ESYT3: variants seen among roughly 807,000 people sequenced by gnomAD.
ESYT3 encodes extended synaptotagmin-3.
In ESYT3, 101 loss-of-function variants were observed where a neutral mutation model predicts 111.5. That is an observed-to-expected ratio of 0.91 (90% confidence interval 0.77 to 1.07). ESYT3 has a LOEUF of 1.07. ESYT3 is among the 50% of genes least tolerant of loss of function. The pLI, the probability that ESYT3 is intolerant of heterozygous loss-of-function variation, is 0.00. For missense variants in ESYT3, 1,097 were observed against 1,109.4 expected, an observed-to-expected ratio of 0.99 and a Z score of 0.16; for synonymous variants, 416 against 446.8, an observed-to-expected ratio of 0.93 and a Z score of 0.87.
At position 138,435,687 on chromosome 3, in the gene ESYT3, T is replaced by A. The variant is rs2030618004; in HGVS notation, c.327+562T>A. Among the ~76,000 whole-genome samples the A allele has an allele frequency of 1.4e-5, 2 of 147,216 alleles. No individual in the cohort carries two copies. Among genetic ancestry groups the A allele is most frequent in the Admixed American group, 1.3e-4 (2 of 14,934 alleles). ...CGGGCCCCGGGCCTCCTTCCCTCCC[T>A]CCCTCCGCCGGATAGGGATGCCGGC... On this transcript the variant is annotated intron_variant, in intron 1 of 22. Transcript: ENST00000389567. The surrounding 1 kb of genome is among the most constrained non-coding windows in gnomAD (Gnocchi z 4.8).
chr3:138,469,538 G>A, intron 15 of ESYT3, 34 bp downstream of exon 15: 4 of 1,591,432 alleles, frequency 2.5e-6, no homozygotes, highest in Non-Finnish European at 3.4e-6. Flanking sequence ...CTGGGGTAAG[G>A]AAACAAGGAC....
Position 138,476,913 on chromosome 3 carries a change from T to C in ESYT3, c.*59T>C. 1 of 1,407,510 alleles carries C rather than the reference T, an allele frequency of 7.1e-7. No individual in the cohort carries two copies. Among genetic ancestry groups the C allele is most frequent in the Non-Finnish European group, 9.7e-7 (1 of 1,027,616 alleles). 87.2% of individuals were successfully genotyped at this position (1,407,510 alleles called of 1,614,324 possible). A position where few individuals can be genotyped will look rare whatever the true frequency, so the allele number is the denominator to read the frequency against. ...AAATGTATATATATGTATATATTTT[T>C]TCCTTTGGATCACTTACATCCAATA... On this transcript the variant is annotated 3_prime_UTR_variant, in exon 23 of 23. Coordinates refer to ENST00000389567, the MANE Select transcript of ESYT3 (RefSeq NM_031913.5).
At chr3:138,470,840 G>C in intron 16 of ESYT3, 37 bp from the exon 17 acceptor site, 1 of 1,613,298 alleles carries the variant, frequency 6.2e-7, no homozygotes. Flanking sequence ...GGTGGGGCTT[G>C]GTTATCCTCT....
At chr3:138,443,675 G>A (rs764086395) in intron 1 of ESYT3, among the ~76,000 whole-genome samples, 16 of 152,118 alleles carry the variant, frequency 1.1e-4, no homozygotes, top group Non-Finnish European at 1.6e-4. Flanking sequence ...GTGAGTCTGC[G>A]GATGTGTCTG....
rs1227098476 is a variant in ESYT3, at chr3:138,434,792, C to T, written c.-7C>T. On this transcript the variant is annotated 5_prime_UTR_variant, in exon 1 of 23. Transcript: ENST00000389567. ...GCTCTCGGGAAGGGCAAGACTGCGG[C>T]GACGAGATGCGAGCAGAGGAGCCCT... The T allele has an allele frequency of 1.9e-6, 3 of 1,540,054 alleles. No homozygotes were observed. The highest frequency in any genetic ancestry group is 2.0e-5 in the Admixed American group (1 of 50,380).
rs1337853016 is a variant in ESYT3, at chr3:138,473,550, G to A, written c.2252G>A (p.Arg751Lys). ...ISLNIEGGDL[R>K]RRQLGEIQLT... ...TTTCTTTACAGAGGTGGGGACCTCAGGCGACGGCAGCTGGGTGAGATTCAG... is the reference window on the plus strand; with the variant it reads ...TTTCTTTACAGAGGTGGGGACCTCAAGCGACGGCAGCTGGGTGAGATTCAG... Residue 751 changes from arginine to lysine, a missense_variant, in exon 19 of 23, where the codon AGG (arginine) becomes AAG (lysine). Arg to Lys is a conservative substitution (Grantham distance 26). Coordinates refer to ENST00000389567, the MANE Select transcript of ESYT3 (RefSeq NM_031913.5). 6.2e-7 allele frequency: 1 copy of A among 1,613,604 alleles called. No homozygotes were observed. Among genetic ancestry groups the A allele is most frequent in the African/African-American group, 1.3e-5 (1 of 75,046 alleles).
intron 1 of ESYT3, among the ~76,000 whole-genome samples, chr3:138,451,800 G>A (rs62282903): frequency 0.016 from 2,478 of 151,048 alleles, 40 homozygotes; most frequent in Non-Finnish European, 0.027. Context: ...GTGCCAGCTC[G>A]TTGTCTGTTT....
chr3:138,476,174 GAAAACTGAATGAAATGCAT>G, intron 20 of ESYT3, 30 bp from the exon 21 acceptor site: 1 of 1,267,702 alleles, frequency 7.9e-7, no homozygotes, highest in South Asian at 1.2e-5. Flanking sequence ...AGATTTTCAA[GAAAACTGAATGAAATGCAT>G]AATTCTCACT....
intron 16 of ESYT3, chr3:138,470,530 T>C: frequency 8.7e-7 from 1 of 1,143,282 alleles, no homozygotes; most frequent in Non-Finnish European, 1.1e-6. Context: ...CAATGTCTTG[T>C]CCAAGATCTC....
intron 1 of ESYT3, among the ~76,000 whole-genome samples, chr3:138,441,412 GT>G (rs1240765650): frequency 6.6e-6 from 1 of 152,192 alleles, no homozygotes; most frequent in Non-Finnish European, 1.5e-5. Flanking sequence ...CCCCTCTCCA[GT>G]GGGCAGGAAG....
intron 15 of ESYT3, among the ~76,000 whole-genome samples, chr3:138,469,854 T>G (rs914318477): frequency 3.9e-5 from 6 of 152,082 alleles, no homozygotes; most frequent in Admixed American, 1.3e-4. Flanking sequence ...AGCTCCCCCG[T>G]AAAAATTCCT....
intron 15 of ESYT3, 143 bp from the exon 16 acceptor site, chr3:138,469,917 G>T: frequency 1.7e-6 from 1 of 601,278 alleles, no homozygotes; most frequent in Non-Finnish European, 2.8e-6. Context: ...CCTCCCACTA[G>T]CTGTAGCGTG....
Position 138,452,058 on chromosome 3 carries a change from CG to C in ESYT3, c.340del (p.Asp114ThrfsTer19). 6.2e-7 allele frequency: 1 copy of C among 1,606,792 alleles called. No individual in the cohort carries two copies. The highest frequency in any genetic ancestry group is 8.5e-7 in the Non-Finnish European group (1 of 1,179,728). Reference protein sequence around the residue: ...GQHLPAWIHFPDVERVEWANK... With the variant: ...GQHLPAWIHFXDVERVEWANK... ...GGGCTTCTTTCCTAGATCCACTTCCCGGACGTGGAGCGGGTCGAGTGGGCCA... is the reference window on the plus strand; with the variant it reads ...GGGCTTCTTTCCTAGATCCACTTCCCGACGTGGAGCGGGTCGAGTGGGCCA... On this transcript the variant is annotated frameshift_variant, in exon 2 of 23. Coordinates refer to ENST00000389567, the MANE Select transcript of ESYT3 (RefSeq NM_031913.5). LOFTEE classifies it high-confidence loss of function.
intron 2 of ESYT3, among the ~76,000 whole-genome samples, chr3:138,453,664 T>TA (rs1236213485): frequency 5.3e-5 from 8 of 152,106 alleles, no homozygotes; most frequent in Admixed American, 1.3e-4. Flanking sequence ...CTCTGTGTAT[T>TA]ACTGAAAGAA....
At chr3:138,441,443 G>T (rs1338412773) in intron 1 of ESYT3, among the ~76,000 whole-genome samples, 1 of 152,058 alleles carries the variant, frequency 6.6e-6, no homozygotes, top group Non-Finnish European at 1.5e-5. Context: ...GATGGTCACC[G>T]GCTCCCACTG....
At position 138,476,252 on chromosome 3, in the gene ESYT3, T is replaced by TA; in HGVS notation, c.2501dup (p.Lys835GlufsTer11). On this transcript the variant is annotated frameshift_variant, in exon 21 of 23. Coordinates refer to ENST00000389567, the MANE Select transcript of ESYT3 (RefSeq NM_031913.5). LOFTEE classifies it high-confidence loss of function. ...GAATTTTTTGTTCCCATGGAAGAAG[T>TA]AAAGAAGAGGTCACTAGATGTTGCA... 1 of 1,613,660 alleles carries TA rather than the reference T, an allele frequency of 6.2e-7. No homozygotes were observed. The highest frequency in any genetic ancestry group is 8.5e-7 in the Non-Finnish European group (1 of 1,179,652).
chr3:138,448,291 AAAT>A (rs1318074788), intron 1 of ESYT3, among the ~76,000 whole-genome samples: 9 of 150,218 alleles, frequency 6.0e-5, no homozygotes, highest in African/African-American at 2.0e-4. Context: ...AAAAAAAAAA[AAAT>A]GCAGGGGAGG....
At chr3:138,449,390 T>C (rs976464933) in intron 1 of ESYT3, among the ~76,000 whole-genome samples, 4 of 152,092 alleles carry the variant, frequency 2.6e-5, no homozygotes, top group African/African-American at 9.7e-5. Context: ...CCGGCCTTGC[T>C]TCCTACATTT....
chr3:138,445,496 G>A (rs1361866530), intron 1 of ESYT3, among the ~76,000 whole-genome samples: 4 of 152,216 alleles, frequency 2.6e-5, no homozygotes, highest in African/African-American at 7.2e-5. Context: ...AACACCAACC[G>A]TGTTCCTCTT....
Sources: allele counts gnomAD v4.1 joint callset (sites outside exome capture counted in the v4.1 genomes callset), GRCh38; gene constraint gnomAD v4.1.1; non-coding constraint Gnocchi (gnomAD v3.1); transcripts MANE v1.5; gene names NCBI Gene and HGNC (gene_info 2026-07-23, HGNC 2026-07-21).